The following SLC3A1 variants were observed in gnomAD, a reference collection of about 807,000 sequenced individuals.
The protein encoded by SLC3A1 is solute carrier family 3 member 1.
Under a neutral mutation model 60.3 loss-of-function variants are expected in SLC3A1, and 78 were observed. The ratio of observed to expected loss-of-function variants is 1.29; its 90% CI spans 1.08 to 1.56. SLC3A1 has a LOEUF of 1.56. SLC3A1 is among the 40% of genes most tolerant of loss of function. The probability of loss-of-function intolerance (pLI) is 0.00; values close to 1 mark genes in which losing one functional copy is unlikely to be tolerated. For missense variants in SLC3A1, 1,172 were observed against 858.9 expected, an observed-to-expected ratio of 1.36 and a Z score of -4.56; for synonymous variants, 392 against 307.9, an observed-to-expected ratio of 1.27 and a Z score of -2.86.
chr2:44,281,957 C>T (rs2104336118), intron 3 of SLC3A1, among the ~76,000 whole-genome samples: 1 of 152,212 alleles, frequency 6.6e-6, no homozygotes, highest in African/African-American at 2.4e-5. Context: ...TCACTGCAAA[C>T]TCCACCTGGG....
At position 44,286,095 on chromosome 2, in the gene SLC3A1, C is replaced by A. The variant is rs1481266305; in HGVS notation, c.829C>A (p.Gln277Lys). 1.2e-6 allele frequency: 2 copies of A among 1,613,466 alleles called. No homozygotes were observed. Among genetic ancestry groups the A allele is most frequent in the Admixed American group, 3.3e-5 (2 of 60,016 alleles). Residue 277 changes from glutamine (Q) to lysine (K), a missense_variant, in exon 4 of 10, where the codon CAG (glutamine) becomes AAG (lysine). Gln to Lys is a moderately conservative substitution (Grantham distance 53). Transcript: ENST00000260649. ...DEVRNQCYFHQFMKEQPDLNF... is the reference protein window; with the variant it reads ...DEVRNQCYFHKFMKEQPDLNF... The stretch of plus-strand genomic sequence containing the variant: ...AGTGCGAAACCAATGTTATTTTCAT[C>A]AGTTTATGAAAGAGCAACCTGATTT...
Position 44,285,782 on chromosome 2 carries a change from C to T in SLC3A1, c.766-250C>T, listed in dbSNP as rs1175523988. ...GTTGACCTTGTCTTGGGTTTGAGAA[C>T]ATTGGTTTGCTGTTGCAGTTGTTAC... is the stretch of plus-strand genomic sequence containing the variant. On this transcript the variant is annotated intron_variant, in intron 3 of 9. Transcript: ENST00000260649. The T allele has an allele frequency of 6.2e-6, 4 of 640,424 alleles. No homozygotes were observed. The East Asian group carries it at 1.3e-4, about 21-fold the overall frequency. 39.7% of individuals were successfully genotyped at this position (640,424 alleles called of 1,614,324 possible).
intron 9 of SLC3A1, chr2:44,319,966 A>G: frequency 1.9e-6 from 1 of 517,922 alleles, no homozygotes; most frequent in Non-Finnish European, 3.5e-6. Context: ...AATGTAGCAG[A>G]GCACTGTGCG....
chr2:44,281,812 C>T lies in SLC3A1; in HGVS notation c.765+271C>T, dbSNP rs116568931. ...TTCCACCCTTCCTTCACTTCCTACC[C>T]GGTCCAACTTGGATTCCATGTCCCA... On this transcript the variant is annotated intron_variant, in intron 3 of 9. Coordinates refer to ENST00000260649, the MANE Select transcript of SLC3A1 (RefSeq NM_000341.4). Among the ~76,000 whole-genome samples, 250 of 152,236 alleles carry T rather than the reference C, an allele frequency of 1.6e-3. 1 individual carries two copies. Among genetic ancestry groups the T allele is most frequent in the African/African-American group, 5.7e-3 (237 of 41,522 alleles).
intron 1 of SLC3A1, among the ~76,000 whole-genome samples, chr2:44,277,515 A>G (rs961901051): frequency 2.0e-5 from 3 of 151,948 alleles, no homozygotes; most frequent in African/African-American, 7.3e-5. Flanking sequence ...CTCTTTCTTT[A>G]GCCTCCCTAA....
At chr2:44,288,137 C>T (rs1671659551) in intron 4 of SLC3A1, among the ~76,000 whole-genome samples, 1 of 151,802 alleles carries the variant, frequency 6.6e-6, no homozygotes, top group Non-Finnish European at 1.5e-5. Context: ...AAGCGATTCT[C>T]CTGCCTCAGC....
intron 4 of SLC3A1, among the ~76,000 whole-genome samples, chr2:44,299,330 T>G (rs947414902): frequency 3.9e-5 from 6 of 152,242 alleles, no homozygotes; most frequent in African/African-American, 1.4e-4. Flanking sequence ...TGAGCCACTG[T>G]GCCCAGCCCA....
rs779104116 is a variant in SLC3A1 at position 44,320,625 on chromosome 2, T to C, written c.2044T>C (p.Tyr682His). ...CTATTCCAGTGTACTGAACATACTG[T>C]ATACCTCGTGTTAGGCACCTTTATG... ...ACYSSVLNIL[Y>H]TSC Residue 682 changes from tyrosine (Y) to histidine (H), a missense_variant, in exon 10 of 10, where the codon TAT (tyrosine) becomes CAT (histidine). Tyr to His is a moderately conservative substitution (Grantham distance 83, BLOSUM62 2). Coordinates refer to ENST00000260649, the MANE Select transcript of SLC3A1 (RefSeq NM_000341.4). 2 of 1,613,784 alleles carry C rather than the reference T, an allele frequency of 1.2e-6. No individual in the cohort carries two copies. The highest frequency in any genetic ancestry group is 2.2e-5 in the South Asian group (2 of 91,062).
intron 6 of SLC3A1, among the ~76,000 whole-genome samples, chr2:44,303,268 C>CTTTTTTTTTTTTTT (rs1672064327): frequency 7.7e-6 from 1 of 129,552 alleles, no homozygotes. Context: ...TTTTTAAAGA[C>CTTTTTTTTTTTTTT]ATTCTCACTT....
intron 8 of SLC3A1, among the ~76,000 whole-genome samples, chr2:44,313,225 G>T (rs1672342554): frequency 6.6e-6 from 1 of 152,154 alleles, no homozygotes; most frequent in Non-Finnish European, 1.5e-5. Flanking sequence ...CAGGTGCAGT[G>T]CACAGCCTCA....
In SLC3A1 at chr2:44,301,053, G is replaced by A. The variant is rs769520920; in HGVS notation, c.1062G>A (p.Gln354=). ...TGTACCATGACTTCACCACCACGCA[G>A]GTGGGAATGCACGACATTGTCCGCA... ...SELYHDFTTT[Q]VGMHDIVRSF... The change falls in exon 6 of 10, where the codon CAG becomes CAA. Residue 354 remains glutamine (Q), a synonymous_variant. Coordinates refer to ENST00000260649, the MANE Select transcript of SLC3A1 (RefSeq NM_000341.4). The A allele has an allele frequency of 1.9e-6, 3 of 1,614,054 alleles. No homozygotes were observed. Among genetic ancestry groups the A allele is most frequent in the East Asian group, 4.5e-5 (2 of 44,884 alleles).
intron 9 of SLC3A1, chr2:44,318,899 T>C (rs917909740): frequency 2.6e-5 from 4 of 152,136 alleles, no homozygotes; most frequent in Non-Finnish European, 5.9e-5. Context: ...CTTCAAAATA[T>C]AGAAAATACT....
intron 6 of SLC3A1, 64 bp from the exon 7 acceptor site, chr2:44,304,079 T>A: frequency 8.1e-7 from 1 of 1,228,084 alleles, no homozygotes. Flanking sequence ...GATAAGCAGC[T>A]GTGGAGTGCC....
Position 44,300,993 on chromosome 2 carries a change from G to A in SLC3A1, c.1012-10G>A. On this transcript the variant is annotated splice_polypyrimidine_tract_variant and intron_variant, in intron 5 of 9. Transcript: ENST00000260649. The stretch of plus-strand genomic sequence containing the variant: ...AAATGAGGGTAACCATGTCGTCCTG[G>A]TTTTCAAAGGACACGGTCACACAAT... 6.2e-7 allele frequency: 1 copy of A among 1,613,810 alleles called. No individual in the cohort carries two copies. Among genetic ancestry groups the A allele is most frequent in the Non-Finnish European group, 8.5e-7 (1 of 1,180,022 alleles).
intron 1 of SLC3A1, among the ~76,000 whole-genome samples, chr2:44,277,352 C>A (rs1028851956): frequency 1.3e-5 from 2 of 151,978 alleles, no homozygotes; most frequent in East Asian, 1.9e-4. Flanking sequence ...GGTGATTTGC[C>A]CCCCCTTGGC....
intron 7 of SLC3A1, among the ~76,000 whole-genome samples, chr2:44,311,114 T>C (rs1174236321): frequency 1.3e-5 from 2 of 152,176 alleles, no homozygotes; most frequent in Non-Finnish European, 2.9e-5. Context: ...TTTTTCTTTC[T>C]GGTTCTCAGG....
chr2:44,296,182 T>C (rs1671841861), intron 4 of SLC3A1, among the ~76,000 whole-genome samples: 1 of 152,218 alleles, frequency 6.6e-6, no homozygotes, highest in South Asian at 2.1e-4. Context: ...CACTTCCTGT[T>C]TGCCAGCTGC....
At chr2:44,277,258 CCA>C (rs1377206356) in intron 1 of SLC3A1, among the ~76,000 whole-genome samples, 6 of 151,852 alleles carry the variant, frequency 4.0e-5, no homozygotes, top group Admixed American at 6.6e-5. Context: ...CAGGCATGCA[CCA>C]TCATGCCTGG....
intron 9 of SLC3A1, among the ~76,000 whole-genome samples, chr2:44,315,556 C>G (rs951742423): frequency 1.3e-5 from 2 of 149,736 alleles, no homozygotes; most frequent in African/African-American, 4.9e-5. Flanking sequence ...TGCCTGTCAT[C>G]CCAGCTACTC....
Sources: allele counts gnomAD v4.1 joint callset (sites outside exome capture counted in the v4.1 genomes callset), GRCh38; gene constraint gnomAD v4.1.1; transcripts MANE v1.5; gene names NCBI Gene and HGNC (gene_info 2026-07-23, HGNC 2026-07-21).